The following ERC2 variants were observed in gnomAD, a reference collection of about 807,000 sequenced individuals.
The protein encoded by ERC2 is ERC protein 2.
Under a neutral mutation model 114.8 loss-of-function variants are expected in ERC2, and 42 were observed. That is an observed-to-expected ratio of 0.37 (90% CI 0.29 to 0.47). The LOEUF (loss-of-function observed/expected upper bound fraction) is 0.47. ERC2 is among the 20% of genes least tolerant of loss of function. The probability of loss-of-function intolerance (pLI) is 0.99; values close to 1 mark genes in which losing one functional copy is unlikely to be tolerated. For synonymous variants in ERC2, 454 were observed against 425.5 expected, an observed-to-expected ratio of 1.07 and a Z score of -0.82; for missense variants, 939 against 1,150.7, an observed-to-expected ratio of 0.82 and a Z score of 2.66.
At chr3:55,643,033 A>G (rs1032989172) in intron 17 of ERC2, among the ~76,000 whole-genome samples, 1 of 152,200 alleles carries the variant, frequency 6.6e-6, no homozygotes, top group African/African-American at 2.4e-5. Context: ...ACTCTTGAGT[A>G]TTTTAGAGGC....
chr3:55,698,244 C>G (rs1239186403), intron 16 of ERC2, among the ~76,000 whole-genome samples: 1 of 151,996 alleles, frequency 6.6e-6, no homozygotes, highest in Non-Finnish European at 1.5e-5. Flanking sequence ...TCAGGTCAAG[C>G]TCAGGGGCTG....
chr3:56,198,739 G>A (rs181348764), intron 3 of ERC2, among the ~76,000 whole-genome samples: 5 of 152,322 alleles, frequency 3.3e-5, no homozygotes, highest in Admixed American at 2.6e-4. Flanking sequence ...CAGTGGGAGC[G>A]TGGACTGGAG....
intron 17 of ERC2, among the ~76,000 whole-genome samples, chr3:55,605,212 C>T (rs577566395): frequency 6.6e-6 from 1 of 151,996 alleles, no homozygotes; most frequent in African/African-American, 2.4e-5. Flanking sequence ...AACTTCTGGG[C>T]TCAAGGGATC....
intron 2 of ERC2, among the ~76,000 whole-genome samples, chr3:56,421,591 G>C (rs1167936173): frequency 6.6e-6 from 1 of 152,210 alleles, no homozygotes; most frequent in East Asian, 1.9e-4. Context: ...TGCTTTCCTT[G>C]AGTGCCGCTT....
chr3:56,439,614 A>G (rs574294285), intron 1 of ERC2, among the ~76,000 whole-genome samples: 2 of 151,710 alleles, frequency 1.3e-5, no homozygotes, highest in African/African-American at 4.8e-5. Context: ...TCTTATTGGC[A>G]TTGCTTTGTA....
intron 7 of ERC2, among the ~76,000 whole-genome samples, chr3:56,050,405 T>C (rs1458114766): frequency 6.6e-6 from 1 of 152,170 alleles, no homozygotes; most frequent in African/African-American, 2.4e-5. Context: ...TTGTTGAGGC[T>C]GTTTTGTCTC....
intron 4 of ERC2, among the ~76,000 whole-genome samples, chr3:56,170,571 A>G (rs1331600466): frequency 6.7e-6 from 1 of 149,874 alleles, no homozygotes; most frequent in East Asian, 2.0e-4. Flanking sequence ...AATTTAGTCT[A>G]AGAAATCTCT....
At chr3:56,118,951 A>G (rs976143138) in intron 6 of ERC2, among the ~76,000 whole-genome samples, 2 of 152,150 alleles carry the variant, frequency 1.3e-5, no homozygotes, top group African/African-American at 4.8e-5. Context: ...AATATTCTTA[A>G]GCAAGGCTTG....
chr3:56,438,599 T>G (rs1013947893), intron 1 of ERC2, among the ~76,000 whole-genome samples: 1 of 152,236 alleles, frequency 6.6e-6, no homozygotes, highest in East Asian at 1.9e-4. Flanking sequence ...GTTCCAACAG[T>G]TAAATGAATG....
intron 17 of ERC2, among the ~76,000 whole-genome samples, chr3:55,527,906 G>A (rs1286578780): frequency 3.3e-5 from 5 of 152,104 alleles, no homozygotes; most frequent in African/African-American, 7.2e-5. Flanking sequence ...CCTAGGAGGA[G>A]GCAATAGGGT....
chr3:56,366,501 G>A (rs1286081783), intron 2 of ERC2, among the ~76,000 whole-genome samples: 1 of 152,172 alleles, frequency 6.6e-6, no homozygotes, highest in African/African-American at 2.4e-5. Context: ...GCTCTCACAG[G>A]CTGTCAGGTC....
At chr3:55,949,297 G>A (rs1038298094) in intron 13 of ERC2, among the ~76,000 whole-genome samples, 3 of 152,042 alleles carry the variant, frequency 2.0e-5, no homozygotes, top group Admixed American at 6.6e-5. Flanking sequence ...GTGAACCCGG[G>A]AGGTGGAGCT....
At chr3:56,199,428 G>C (rs2048287103) in intron 3 of ERC2, among the ~76,000 whole-genome samples, 1 of 151,976 alleles carries the variant, frequency 6.6e-6, no homozygotes, top group Non-Finnish European at 1.5e-5. Flanking sequence ...GTAATTAAGG[G>C]TTAGATCATG....
At chr3:55,602,806 C>T (rs2058467516) in intron 17 of ERC2, among the ~76,000 whole-genome samples, 1 of 152,176 alleles carries the variant, frequency 6.6e-6, no homozygotes, top group Non-Finnish European at 1.5e-5. Flanking sequence ...CCTCATGTCT[C>T]TCCTTGCCAG....
chr3:55,733,125 G>A (rs2065362871), intron 15 of ERC2, among the ~76,000 whole-genome samples: 2 of 152,178 alleles, frequency 1.3e-5, no homozygotes, highest in African/African-American at 2.4e-5. Context: ...ACCTGTGGGA[G>A]AAAGCTACAA....
chr3:56,296,487 T>A, intron 2 of ERC2, 52 bp from the exon 3 acceptor site: 1 of 1,536,250 alleles, frequency 6.5e-7, no homozygotes, highest in Non-Finnish European at 8.8e-7. Context: ...AAAAAGTCAA[T>A]GAAAATGTCA....
chr3:55,837,812 G>C (rs879715333), intron 14 of ERC2, among the ~76,000 whole-genome samples: 27 of 151,662 alleles, frequency 1.8e-4, no homozygotes, highest in African/African-American at 2.7e-4. Context: ...ACTGTGTGCT[G>C]TCTATGAGAA....
At chr3:55,575,206 C>T (rs775915082) in intron 17 of ERC2, among the ~76,000 whole-genome samples, 3 of 152,008 alleles carry the variant, frequency 2.0e-5, no homozygotes, top group South Asian at 2.1e-4. Context: ...TTAGTAGAGA[C>T]GGGGTTTCAC....
At position 55,920,446 on chromosome 3, in the gene ERC2, A is replaced by ACACACACCCCC. The variant is rs57638674; in HGVS notation, c.2403+29978_2403+29979insGGGGGTGTGTG. On this transcript the variant is annotated intron_variant, in intron 13 of 17. Transcript: ENST00000288221. ...CACACACACACACACACACACACAC[A>ACACACACCCCC]CCCCAAGTGAGAAGGATATTGCTAA... Among the ~76,000 whole-genome samples, 1,440 of 145,462 alleles carry ACACACACCCCC rather than the reference A, an allele frequency of 9.9e-3. 21 individuals carry two copies. Among genetic ancestry groups the ACACACACCCCC allele is most frequent in the African/African-American group, 0.036 (1,350 of 38,002 alleles).
Sources: gnomAD v4.1 joint callset for allele counts (sites outside exome capture counted in the v4.1 genomes callset) on GRCh38, gnomAD v4.1.1 for gene constraint, MANE v1.5 for transcripts, NCBI Gene and HGNC (gene_info 2026-07-23, HGNC 2026-07-21) for gene names.